Variants in PCNT observed in about 807,000 individuals in gnomAD.
The protein encoded by PCNT is pericentrin.
A neutral mutation model predicts 380.4 loss-of-function variants in PCNT; 319 were observed. The observed-to-expected ratio is 0.84, with a 90% CI of 0.77 to 0.92. PCNT has a LOEUF of 0.92. Ranked by LOEUF, PCNT falls within the 40% of genes least tolerant of loss-of-function variation. PCNT has a pLI of 0.00. For synonymous variants in PCNT, 1,845 were observed against 1,735.2 expected, an observed-to-expected ratio of 1.06 and a Z score of -1.57; for missense variants, 4,400 against 4,255.3, an observed-to-expected ratio of 1.03 and a Z score of -0.95.
intron 15 of PCNT, among the ~76,000 whole-genome samples, chr21:46,381,214 G>A (rs1278849690): frequency 1.1e-5 from 1 of 87,574 alleles, no homozygotes; most frequent in Non-Finnish European, 2.0e-5. Context: ...GTGTGTGTGT[G>A]TGTGTGTGTG....
chr21:46,391,481 G>A lies in PCNT; in HGVS notation c.4216+105G>A, dbSNP rs975044798. On this transcript the variant is annotated intron_variant, in intron 21 of 46. Transcript: ENST00000359568. Reference sequence around the variant, plus strand: ...ACACTCAGTGTCTCTAGAGGGTCAAGTGTAAACCAGCACGCAGCTTCTCCT... The same window carrying A: ...ACACTCAGTGTCTCTAGAGGGTCAAATGTAAACCAGCACGCAGCTTCTCCT... 7 of 915,920 alleles carry A rather than the reference G, an allele frequency of 7.6e-6. No homozygotes were observed. The African/African-American group carries it at 9.9e-5, about 13-fold the overall frequency. The allele number at this position is 915,920 out of a possible 1,614,324, so 56.7% of individuals were successfully genotyped here. A position where few individuals can be genotyped will look rare whatever the true frequency, so the allele number is the denominator to read the frequency against.
chr21:46,337,649 C>G, intron 3 of PCNT, among the ~76,000 whole-genome samples: 1 of 152,246 alleles, frequency 6.6e-6, no homozygotes, highest in Non-Finnish European at 1.5e-5. Context: ...GTGGCGCGAT[C>G]TCGGCTCTCC....
chr21:46,397,229 G>A, intron 21 of PCNT, 36 bp from the exon 22 acceptor site: 1 of 1,537,186 alleles, frequency 6.5e-7, no homozygotes, highest in Non-Finnish European at 9.0e-7. Flanking sequence ...CTGAGGTGCG[G>A]GGGTGTCCCC....
intron 27 of PCNT, among the ~76,000 whole-genome samples, chr21:46,402,930 A>T (rs558644978): frequency 6.6e-6 from 1 of 152,348 alleles, no homozygotes; most frequent in African/African-American, 2.4e-5. Flanking sequence ...AGTACATAGT[A>T]GGTGTATATT....
chr21:46,402,474 G>A lies in PCNT; in HGVS notation c.5106G>A (p.Thr1702=), dbSNP rs1221030801. 10 of 1,613,888 alleles carry A rather than the reference G, an allele frequency of 6.2e-6. No homozygotes were observed. In the East Asian group the frequency reaches 1.1e-4, roughly 18 times the overall value. Residue 1702 remains threonine (T), a synonymous_variant, in exon 27 of 47, where the codon ACG becomes ACA. Coordinates refer to ENST00000359568, the MANE Select transcript of PCNT (RefSeq NM_006031.6). ...VSLRELEEEN[T]SLKVIYTRSS... is the part of the protein sequence containing the mutation. ...TCAGAGAACTTGAGGAAGAGAACAC[G>A]AGCTTGAAGGTAAGCTACCAAAGGT...
In PCNT at chr21:46,366,753, T is replaced by C. The variant is rs752161383; in HGVS notation, c.2779T>C (p.Leu927=). Reference sequence around the variant, plus strand: ...GCTCGAGGCCAGACACCAGGCCGCGTTGGGCGAGCTGACAGCCTCCTTAGA... The same window carrying C: ...GCTCGAGGCCAGACACCAGGCCGCGCTGGGCGAGCTGACAGCCTCCTTAGA... ...AELEARHQAA[L]GELTASLESK... Residue 927 remains leucine, a synonymous_variant, in exon 15 of 47, where the codon TTG becomes CTG. Transcript: ENST00000359568. 1.2e-5 allele frequency: 20 copies of C among 1,613,382 alleles called. No individual in the cohort carries two copies. The highest frequency in any genetic ancestry group is 3.3e-5 in the South Asian group (3 of 91,072).
At position 46,384,075 on chromosome 21, in the gene PCNT, C is replaced by T. The variant is rs945867320; in HGVS notation, c.3313-1757C>T. Among the ~76,000 whole-genome samples the T allele has an allele frequency of 2.7e-4, 39 of 145,466 alleles. 4 individuals are homozygous for T. Among genetic ancestry groups the T allele is most frequent in the Non-Finnish European group, 3.5e-4 (23 of 66,380 alleles). ...AGTGCTGTGCATTCAGCAGCGGAAG[C>T]GCATTCACAGTGTTGTATATTCAGT... On this transcript the variant is annotated intron_variant, in intron 16 of 46. Transcript: ENST00000359568.
chr21:46,403,198 C>A (rs1021972050), intron 27 of PCNT, among the ~76,000 whole-genome samples: 1 of 138,056 alleles, frequency 7.2e-6, no homozygotes, highest in Non-Finnish European at 1.6e-5. Context: ...ATGAACACAG[C>A]GTGGGAGAAT....
chr21:46,353,370 G>T (rs1338459924), intron 10 of PCNT, 44 bp downstream of exon 10: 1 of 1,517,112 alleles, frequency 6.6e-7, no homozygotes, highest in African/African-American at 1.4e-5. Context: ...TGCCATACAG[G>T]GGCCAGGCTC....
intron 41 of PCNT, among the ~76,000 whole-genome samples, chr21:46,439,130 C>T (rs2053540311): frequency 6.6e-6 from 1 of 151,786 alleles, no homozygotes; most frequent in Non-Finnish European, 1.5e-5. Flanking sequence ...GTAAAATTTG[C>T]CCTTTCCTGG....
At position 46,430,450 on chromosome 21, in the gene PCNT, C is replaced by G. The variant is rs1188040940; in HGVS notation, c.7914-57C>G. On this transcript the variant is annotated intron_variant, in intron 36 of 46. Transcript: ENST00000359568. ...TGCCTCCCCTCCTGGAGCTCCCAGC[C>G]CCCGGGAACACACTCTGGCCCACGT... The G allele has an allele frequency of 9.7e-6, 15 of 1,541,940 alleles. No homozygotes were observed. In the Admixed American group the frequency reaches 1.8e-4, roughly 18 times the overall value.
intron 27 of PCNT, among the ~76,000 whole-genome samples, chr21:46,408,675 C>T (rs2086689861): frequency 6.6e-6 from 1 of 151,146 alleles, no homozygotes; most frequent in African/African-American, 2.4e-5. Context: ...ATGCTATTTG[C>T]CATCCATATT....
chr21:46,337,818 G>T (rs552817247), intron 3 of PCNT, among the ~76,000 whole-genome samples: 2 of 152,132 alleles, frequency 1.3e-5, no homozygotes, highest in African/African-American at 4.8e-5. Context: ...CCAACCTCAG[G>T]TGATCCGCCC....
chr21:46,435,980 C>T lies in PCNT; in HGVS notation c.8828C>T (p.Ser2943Leu), dbSNP rs772297413. 38 of 1,614,072 alleles carry T rather than the reference C, an allele frequency of 2.4e-5. No individual in the cohort carries two copies. Among genetic ancestry groups the T allele is most frequent in the East Asian group, 4.5e-5 (2 of 44,872 alleles). ...QLQQTVRDLE[S>L]KDEVPGSRLH... ...CAGCAGACAGTGAGAGACCTGGAGT[C>T]GAAGGACGAGGTGCCTGGCAGCCGC... Residue 2943 changes from serine to leucine, a missense_variant, in exon 39 of 47, where the codon TCG becomes TTG. Physicochemically the swap from Ser to Leu is moderately radical, Grantham distance 145. Coordinates refer to ENST00000359568, the MANE Select transcript of PCNT (RefSeq NM_006031.6).
At chr21:46,392,144 G>A (rs1409222479) in intron 21 of PCNT, among the ~76,000 whole-genome samples, 1 of 151,984 alleles carries the variant, frequency 6.6e-6, no homozygotes, top group Admixed American at 6.6e-5. Flanking sequence ...GATTTTTGTG[G>A]CCATTCTCAT....
At chr21:46,418,106 G>A in intron 30 of PCNT, 98 bp from the exon 31 acceptor site, 1 of 741,204 alleles carries the variant, frequency 1.3e-6, no homozygotes, top group South Asian at 1.5e-5. Flanking sequence ...GTCTATGTGG[G>A]AAGATAAATT....
At chr21:46,324,424 G>C (rs1163851266) in intron 1 of PCNT, 142 bp downstream of exon 1, 6 of 757,868 alleles carry the variant, frequency 7.9e-6, no homozygotes, top group African/African-American at 1.8e-5. Context: ...CGCCGGCTCC[G>C]CTGGAAGCCG....
chr21:46,352,202 CT>C (rs764044390), intron 9 of PCNT, among the ~76,000 whole-genome samples: 7 of 152,228 alleles, frequency 4.6e-5, no homozygotes, highest in Non-Finnish European at 1.0e-4. Flanking sequence ...TTTGGCCCAA[CT>C]TGTCCTTGTG....
intron 14 of PCNT, among the ~76,000 whole-genome samples, chr21:46,364,614 CAT>C (rs1314621078): frequency 6.6e-6 from 1 of 152,288 alleles, no homozygotes; most frequent in East Asian, 1.9e-4. Context: ...TTTTCTGAAA[CAT>C]ACACACTCTT....
Sources: gnomAD v4.1 joint callset for allele counts (sites outside exome capture counted in the v4.1 genomes callset) on GRCh38, gnomAD v4.1.1 for gene constraint, MANE v1.5 for transcripts, NCBI Gene and HGNC (gene_info 2026-07-23, HGNC 2026-07-21) for gene names.